RTL4: variants seen among roughly 807,000 people sequenced by gnomAD.
The protein encoded by RTL4 is retrotransposon Gag like 4, also known as retrotransposon Gag-like protein 4.
A neutral mutation model predicts 5.3 loss-of-function variants in RTL4; 4 were observed. The observed-to-expected ratio is 0.75, with a 90% CI of 0.37 to 1.72. RTL4 has a LOEUF of 1.72. RTL4 is among the 40% of genes most tolerant of loss of function. RTL4 has a pLI of 0.04. For missense variants in RTL4, 260 were observed against 227.1 expected, an observed-to-expected ratio of 1.14 and a Z score of -0.93; for synonymous variants, 98 against 87.3, an observed-to-expected ratio of 1.12 and a Z score of -0.68.
the RTL4 span, among the ~76,000 whole-genome samples, chrX:112,402,566 G>C: frequency 2.7e-5 from 3 of 110,797 alleles, no homozygotes; most frequent in South Asian, 3.8e-4. Flanking sequence ...TGATTAGTGA[G>C]TCTGAGCTGG....
chrX:112,412,243 T>G, the RTL4 span, among the ~76,000 whole-genome samples: 1 of 111,528 alleles, frequency 9.0e-6, no homozygotes, highest in Non-Finnish European at 1.9e-5. Flanking sequence ...TGTTTATGGA[T>G]TGGAAGAATC....
chrX:112,342,885 G>A, the RTL4 span, among the ~76,000 whole-genome samples: 1 of 111,572 alleles, frequency 9.0e-6, no homozygotes, highest in African/African-American at 3.3e-5. Context: ...GCGGATCACA[G>A]GATCAGGAGT....
chrX:112,269,839 T>C, the RTL4 span, among the ~76,000 whole-genome samples: 2 of 112,255 alleles, frequency 1.8e-5, no homozygotes, highest in Non-Finnish European at 3.8e-5. Flanking sequence ...GTTATAATCA[T>C]TTGAACTCTG....
the RTL4 span, among the ~76,000 whole-genome samples, chrX:112,393,084 G>A: frequency 2.7e-4 from 30 of 110,553 alleles, no homozygotes; most frequent in Admixed American, 9.5e-4. Flanking sequence ...ATGGGATTGG[G>A]GGCCCGCTTA....
At chrX:112,427,471 T>G in the RTL4 span, among the ~76,000 whole-genome samples, 1 of 111,273 alleles carries the variant, frequency 9.0e-6, no homozygotes, top group African/African-American at 3.3e-5. Flanking sequence ...CCTTATCTAT[T>G]GCTTACCTAG....
chrX:112,177,923 T>G, the RTL4 span, among the ~76,000 whole-genome samples: 1 of 107,348 alleles, frequency 9.3e-6, no homozygotes, highest in Non-Finnish European at 1.9e-5. Flanking sequence ...AGACAACACA[T>G]AAAGAAACAG....
chrX:112,302,877 A>T, the RTL4 span, among the ~76,000 whole-genome samples: 1 of 112,503 alleles, frequency 8.9e-6, no homozygotes, highest in African/African-American at 3.2e-5. Flanking sequence ...ATTTTTAAAA[A>T]ATTACAAAAA....
chrX:112,180,713 CT>C, the RTL4 span, among the ~76,000 whole-genome samples: 1 of 111,835 alleles, frequency 8.9e-6, no homozygotes, highest in South Asian at 3.8e-4. Flanking sequence ...AGAGGAATAC[CT>C]TTTCCCCCCA....
chrX:112,253,266 A>G, the RTL4 span, among the ~76,000 whole-genome samples: 1 of 97,380 alleles, frequency 1.0e-5, no homozygotes, highest in Non-Finnish European at 2.0e-5. Flanking sequence ...AGAAGAAATG[A>G]GTCTATTGCA....
At chrX:112,378,855 C>A in the RTL4 span, among the ~76,000 whole-genome samples, 11 of 112,293 alleles carry the variant, frequency 9.8e-5, no homozygotes, top group Admixed American at 1.0e-3. Flanking sequence ...TGTTGAGTCT[C>A]CAACAGCGTA....
At chrX:112,275,839 G>A in the RTL4 span, among the ~76,000 whole-genome samples, 1 of 111,470 alleles carries the variant, frequency 9.0e-6, no homozygotes, top group Admixed American at 9.5e-5. Flanking sequence ...GGAGGTTAAG[G>A]CGAGAGGATT....
At chrX:112,093,543 C>G in the RTL4 span, among the ~76,000 whole-genome samples, 1 of 111,653 alleles carries the variant, frequency 9.0e-6, no homozygotes, top group African/African-American at 3.2e-5. Context: ...TTGTTGGATA[C>G]CTCTTGTGTG....
the RTL4 span, among the ~76,000 whole-genome samples, chrX:112,270,203 G>A: frequency 1.8e-5 from 2 of 112,224 alleles, no homozygotes; most frequent in Admixed American, 1.9e-4. Flanking sequence ...GAAGGAATCA[G>A]CATAATTTGC....
the RTL4 span, among the ~76,000 whole-genome samples, chrX:112,089,115 TTTA>T: frequency 1.8e-5 from 2 of 111,147 alleles, no homozygotes; most frequent in African/African-American, 6.5e-5. Flanking sequence ...TTTTTCTTTT[TTTA>T]TTATTATTAT....
upstream of RTL4, among the ~76,000 whole-genome samples, chrX:112,452,238 G>A (rs1295847890): frequency 9.6e-6 from 1 of 103,874 alleles, no homozygotes; most frequent in African/African-American, 3.5e-5. Context: ...CTACAGGCAC[G>A]TGCCACCACG....
At chrX:112,421,158 C>T in the RTL4 span, among the ~76,000 whole-genome samples, 1 of 111,313 alleles carries the variant, frequency 9.0e-6, no homozygotes, top group Admixed American at 9.6e-5. Flanking sequence ...ATATCACTAG[C>T]ACAGTAACTG....
chrX:112,381,474 A>G, the RTL4 span: 1 of 1,206,695 alleles, frequency 8.3e-7, no homozygotes, highest in Non-Finnish European at 1.1e-6. Context: ...CTACACCGAG[A>G]AAAGTTACTT....
At chrX:112,177,527 A>AT in the RTL4 span, among the ~76,000 whole-genome samples, 1,796 of 96,337 alleles carry the variant, frequency 0.019, 36 homozygotes, top group African/African-American at 0.056. Context: ...ATTATTTGGG[A>AT]TTTTTTTTTT....
At chrX:112,332,825 T>C in the RTL4 span, among the ~76,000 whole-genome samples, 2 of 111,111 alleles carry the variant, frequency 1.8e-5, no homozygotes, top group Non-Finnish European at 3.8e-5. Flanking sequence ...GAACTTAAAG[T>C]TAACAATAAA....
Sources: gnomAD v4.1 joint callset for allele counts (sites outside exome capture counted in the v4.1 genomes callset) on GRCh38, gnomAD v4.1.1 for gene constraint, MANE v1.5 for transcripts, NCBI Gene and HGNC (gene_info 2026-07-23, HGNC 2026-07-21) for gene names.